TPGS2: variants seen among roughly 807,000 people sequenced by gnomAD.
TPGS2 encodes polyglutamylase subunit 2.
Under a neutral mutation model 31.1 loss-of-function variants are expected in TPGS2, and 26 were observed. The ratio of observed to expected loss-of-function variants is 0.84; its 90% CI spans 0.61 to 1.16. The LOEUF is 1.16. TPGS2 is among the 50% of genes most tolerant of loss of function. The pLI is 0.00. For synonymous variants in TPGS2, 130 were observed against 136.6 expected, an observed-to-expected ratio of 0.95 and a Z score of 0.34; for missense variants, 351 against 363.8, an observed-to-expected ratio of 0.96 and a Z score of 0.29.
chr18:36,786,758 C>T, intron 6 of TPGS2: 1 of 1,213,254 alleles, frequency 8.2e-7, no homozygotes, highest in Non-Finnish European at 1.0e-6. Flanking sequence ...TTCTAAGGTT[C>T]TCTGGAGTCC....
chr18:36,791,947 G>T (rs2044324396), downstream of TPGS2, among the ~76,000 whole-genome samples: 1 of 151,104 alleles, frequency 6.6e-6, no homozygotes, highest in Non-Finnish European at 1.5e-5. Flanking sequence ...AGTATTGCTT[G>T]TGCCCAGGAA....
In TPGS2 at chr18:36,796,556, GACTTATTTGGGC is replaced by G. The variant is rs2044534703; in HGVS notation, c.*237_*248del. 1 of 1,301,946 alleles carries G rather than the reference GACTTATTTGGGC, an allele frequency of 7.7e-7. No homozygotes were observed. Among genetic ancestry groups the G allele is most frequent in the African/African-American group, 1.5e-5 (1 of 65,274 alleles). 80.6% of individuals were successfully genotyped at this position (1,301,946 alleles called of 1,614,324 possible). A position where few individuals can be genotyped will look rare whatever the true frequency, so the allele number is the denominator to read the frequency against. On this transcript the variant is annotated 3_prime_UTR_variant, in exon 7 of 7. Coordinates refer to ENST00000334295, the MANE Select transcript of TPGS2 (RefSeq NM_015476.4). ...GTGTTGAAGAAGAGGAAAGCACTCA[GACTTATTTGGGC>G]ACTTACACAAGATTCCAAATTCCCC...
At chr18:36,793,183 T>C (rs551509951), downstream of TPGS2, among the ~76,000 whole-genome samples, 3 of 152,326 alleles carry the variant, frequency 2.0e-5, no homozygotes, top group Admixed American at 1.3e-4. Context: ...ACCTGTGTTC[T>C]GTAAGTGAAG....
At chr18:36,828,642 TCTC>T (rs1421274875) in intron 1 of TPGS2, 38 bp downstream of exon 1, 4 of 1,609,412 alleles carry the variant, frequency 2.5e-6, no homozygotes, top group Non-Finnish European at 3.4e-6. Flanking sequence ...CCTCCTTCCT[TCTC>T]CTCCACACCC....
intron 1 of TPGS2, among the ~76,000 whole-genome samples, chr18:36,826,290 G>A (rs1243359537): frequency 1.3e-5 from 2 of 152,176 alleles, no homozygotes; most frequent in Non-Finnish European, 2.9e-5. Context: ...GCCTCCCAGT[G>A]TTGGGATTAC....
In TPGS2 at chr18:36,828,982, G is replaced by A; in HGVS notation, c.-215C>T. ...GCCCGGTGCCCCACACCGCACCTCC[G>A]GGACGTAGCTTCCCCTTCGCCCCCA... On this transcript the variant is annotated 5_prime_UTR_variant, in exon 1 of 7. Coordinates refer to ENST00000334295, the MANE Select transcript of TPGS2 (RefSeq NM_015476.4). 9.3e-7 allele frequency: 1 copy of A among 1,074,158 alleles called. No individual in the cohort carries two copies. The highest frequency in any genetic ancestry group is 1.3e-6 in the Non-Finnish European group (1 of 788,144). 66.5% of individuals were successfully genotyped at this position (1,074,158 alleles called of 1,614,324 possible).
At chr18:36,804,842 GCAAA>G (rs2045032671) in intron 4 of TPGS2, among the ~76,000 whole-genome samples, 2 of 152,126 alleles carry the variant, frequency 1.3e-5, no homozygotes, top group South Asian at 4.1e-4. Context: ...GAGAGATTCT[GCAAA>G]CAGCCAGGTA....
intron 4 of TPGS2, among the ~76,000 whole-genome samples, chr18:36,805,049 A>T (rs539539574): frequency 6.6e-6 from 1 of 152,346 alleles, no homozygotes; most frequent in South Asian, 2.1e-4. Context: ...ATTGCTATTT[A>T]AACATTGTAA....
chr18:36,800,024 C>T (rs2044726071), intron 5 of TPGS2, among the ~76,000 whole-genome samples, 174 bp downstream of exon 5: 1 of 152,004 alleles, frequency 6.6e-6, no homozygotes, highest in South Asian at 2.1e-4. Flanking sequence ...AATAATTAGC[C>T]CAAAGGGTGA....
At chr18:36,798,752 C>T in intron 5 of TPGS2, 143 bp from the exon 6 acceptor site, 2 of 1,334,244 alleles carry the variant, frequency 1.5e-6, no homozygotes, top group African/African-American at 1.5e-5. Context: ...TCCCCTTCTG[C>T]CCCACTTCTA....
intron 4 of TPGS2, among the ~76,000 whole-genome samples, chr18:36,802,030 T>G (rs1049974072): frequency 6.6e-6 from 1 of 152,254 alleles, no homozygotes; most frequent in African/African-American, 2.4e-5. Flanking sequence ...ATAGCTTCTA[T>G]TATGTGTTGA....
At chr18:36,823,305 T>C (rs929811299) in intron 1 of TPGS2, among the ~76,000 whole-genome samples, 1 of 152,162 alleles carries the variant, frequency 6.6e-6, no homozygotes, top group Non-Finnish European at 1.5e-5. Flanking sequence ...GGACTGAAGC[T>C]TCCATTTCCT....
At chr18:36,781,988 A>G (rs1392766327), downstream of TPGS2, 1 of 952,956 alleles carries the variant, frequency 1.0e-6, no homozygotes, top group Non-Finnish European at 1.2e-6. Flanking sequence ...AACAGGTACA[A>G]TATTCCACTT....
chr18:36,805,644 G>A (rs1452637117), intron 3 of TPGS2, 142 bp from the exon 4 acceptor site: 1 of 1,199,338 alleles, frequency 8.3e-7, no homozygotes, highest in African/African-American at 1.5e-5. Flanking sequence ...GGGAAGAAGA[G>A]GATTACTCAC....
At position 36,796,692 on chromosome 18, in the gene TPGS2, T is replaced by C. The variant is rs2044540663; in HGVS notation, c.*113A>G. On this transcript the variant is annotated 3_prime_UTR_variant, in exon 7 of 7. Transcript: ENST00000334295. ...ACTAAAAGCCTTACAATTTTGGTCA[T>C]TCAACTAGAAAGAGGCCTACGGTCC... 2.0e-6 allele frequency: 3 copies of C among 1,466,482 alleles called. No individual in the cohort carries two copies. Among genetic ancestry groups the C allele is most frequent in the Non-Finnish European group, 2.7e-6 (3 of 1,115,384 alleles). 90.8% of individuals were successfully genotyped at this position (1,466,482 alleles called of 1,614,324 possible). A position where few individuals can be genotyped will look rare whatever the true frequency, so the allele number is the denominator to read the frequency against.
chr18:36,814,080 T>G (rs1429434165), intron 2 of TPGS2, among the ~76,000 whole-genome samples: 1 of 152,270 alleles, frequency 6.6e-6, no homozygotes, highest in South Asian at 2.1e-4. Context: ...GGCCATGGTT[T>G]CACCATCAGT....
chr18:36,826,954 T>C (rs1467394247), intron 1 of TPGS2, among the ~76,000 whole-genome samples: 1 of 152,256 alleles, frequency 6.6e-6, no homozygotes, highest in Non-Finnish European at 1.5e-5. Context: ...GGTTAGATTT[T>C]GTCAAATGCT....
chr18:36,823,904 G>A (rs982130893), intron 1 of TPGS2: 10 of 973,572 alleles, frequency 1.0e-5, no homozygotes, highest in African/African-American at 7.0e-5. Flanking sequence ...TAATAGTACC[G>A]TGTTTAGAAT....
intron 6 of TPGS2, among the ~76,000 whole-genome samples, chr18:36,787,557 CGTG>C (rs1340030682): frequency 1.3e-5 from 2 of 152,114 alleles, no homozygotes; most frequent in Admixed American, 1.3e-4. Flanking sequence ...TGAATAAAAA[CGTG>C]GTATTTATAC....
Sources: allele counts gnomAD v4.1 joint callset (sites outside exome capture counted in the v4.1 genomes callset), GRCh38; gene constraint gnomAD v4.1.1; transcripts MANE v1.5; gene names NCBI Gene and HGNC (gene_info 2026-07-23, HGNC 2026-07-21).